Variants in BCL2L13 observed in about 807,000 individuals in gnomAD.
BCL2L13 encodes BCL2 like 13.
Under a neutral mutation model 25.8 loss-of-function variants are expected in BCL2L13, and 13 were observed. The observed-to-expected ratio is 0.50, with a 90% CI of 0.33 to 0.80. BCL2L13 has a LOEUF of 0.80. Ranked by LOEUF, BCL2L13 falls within the 30% of genes least tolerant of loss-of-function variation. BCL2L13 has a pLI of 0.02. For missense variants in BCL2L13, 504 were observed against 574.9 expected (o/e 0.88, Z 1.26); for synonymous variants, 244 against 230.3 (o/e 1.06, Z -0.54).
intron 1 of BCL2L13, among the ~76,000 whole-genome samples, chr22:17,631,670 G>GTATATATATA (rs1181793721): frequency 4.3e-3 from 114 of 26,734 alleles, no homozygotes; most frequent in South Asian, 0.01. Flanking sequence ...GTGTGTGTGT[G>GTATATATATA]TATATATATA....
chr22:17,658,763 A>G (rs570807624), intron 2 of BCL2L13, among the ~76,000 whole-genome samples: 4 of 151,780 alleles, frequency 2.6e-5, no homozygotes, highest in African/African-American at 7.2e-5. Context: ...TGCTTGTATA[A>G]AAAACATTAA....
rs536045895 is a variant in BCL2L13 at position 17,728,355 on chromosome 22, C to G, written c.*821C>G. ...ACAGAGAAAATCACATGAAGGAGACCTGGGGTCCCCACTTGTGAGTGCAAC... is the reference window on the plus strand; with the variant it reads ...ACAGAGAAAATCACATGAAGGAGACGTGGGGTCCCCACTTGTGAGTGCAAC... On this transcript the variant is annotated 3_prime_UTR_variant, in exon 7 of 7. Transcript: ENST00000317582. 1 of 152,210 alleles carries G rather than the reference C, an allele frequency of 6.6e-6. No homozygotes were observed. The highest frequency in any genetic ancestry group is 1.5e-5 in the Non-Finnish European group (1 of 68,038). The allele number at this position is 152,210 out of a possible 1,614,324, so 9.4% of individuals were successfully genotyped here.
intron 2 of BCL2L13, among the ~76,000 whole-genome samples, chr22:17,677,839 G>A (rs1332815223): frequency 6.6e-6 from 1 of 151,022 alleles, no homozygotes; most frequent in Non-Finnish European, 1.5e-5. Flanking sequence ...GCCATTGCAT[G>A]ATCTGGCGAC....
In BCL2L13 at chr22:17,643,749, G is replaced by T. The variant is rs111385180; in HGVS notation, c.-51+4863G>T. Among the ~76,000 whole-genome samples the T allele has an allele frequency of 5.0e-3, 753 of 150,438 alleles. 6 individuals are homozygous for T. Among genetic ancestry groups the T allele is most frequent in the African/African-American group, 0.015 (611 of 40,908 alleles). On this transcript the variant is annotated intron_variant, in intron 1 of 6. Coordinates refer to ENST00000317582, the MANE Select transcript of BCL2L13 (RefSeq NM_015367.4). ...TTCATGCCAGGAGGTGTGTAGCTGG[G>T]ACTACAGGCACTCGCCACCATGCCC...
At chr22:17,666,888 A>G (rs1418370912) in intron 2 of BCL2L13, among the ~76,000 whole-genome samples, 4 of 151,826 alleles carry the variant, frequency 2.6e-5, no homozygotes, top group African/African-American at 9.7e-5. Flanking sequence ...GGGTTTCACC[A>G]GTTGGCCAGG....
At position 17,638,876 on chromosome 22, in the gene BCL2L13, G is replaced by A. The variant is rs1247858177; in HGVS notation, c.-61G>A. ...CTCTTTCATCTCTTCTGGGGCAGGG[G>A]CCAGGGCCAGGTGAGGGGAGTGGGG... On this transcript the variant is annotated 5_prime_UTR_variant, in exon 1 of 7. Coordinates refer to ENST00000317582, the MANE Select transcript of BCL2L13 (RefSeq NM_015367.4). 56 of 1,232,682 alleles carry A rather than the reference G, an allele frequency of 4.5e-5. No individual in the cohort carries two copies. The East Asian group carries it at 1.8e-3, about 39-fold the overall frequency. 76.4% of individuals were successfully genotyped at this position (1,232,682 alleles called of 1,614,324 possible).
rs2061362268 is a variant in BCL2L13 at position 17,729,123 on chromosome 22, C to A, written c.*1589C>A. 6.6e-6 allele frequency: 1 copy of A among 152,054 alleles called. No homozygotes were observed. The highest frequency in any genetic ancestry group is 1.5e-5 in the Non-Finnish European group (1 of 67,996). The allele number at this position is 152,054 out of a possible 1,614,324, so 9.4% of individuals were successfully genotyped here. A position where few individuals can be genotyped will look rare whatever the true frequency, so the allele number is the denominator to read the frequency against. On this transcript the variant is annotated 3_prime_UTR_variant, in exon 7 of 7. Coordinates refer to ENST00000317582, the MANE Select transcript of BCL2L13 (RefSeq NM_015367.4). ...GAAATTTATAATAAAAATACTTTAC[C>A]TACCCTGATCACCAAAACCTGATGT...
rs537315017 is a variant in BCL2L13 at position 17,669,030 on chromosome 22, CTTTTTTTTT to C, written c.121+13210_121+13218del. ...AAGTTTATTTGGCTCCTGTTTCTTT[CTTTTTTTTT>C]TTTTTTTTTTTGAGACGGAGTCTCG... On this transcript the variant is annotated intron_variant, in intron 2 of 6. Coordinates refer to ENST00000317582, the MANE Select transcript of BCL2L13 (RefSeq NM_015367.4). Among the ~76,000 whole-genome samples the C allele has an allele frequency of 6.3e-5, 7 of 111,838 alleles. No homozygotes were observed. In the East Asian group the frequency reaches 8.0e-4, roughly 13 times the overall value. 73.4% of individuals were successfully genotyped at this position (111,838 alleles called of 152,430 possible).
chr22:17,640,835 C>T (rs991454752), intron 1 of BCL2L13, among the ~76,000 whole-genome samples: 1 of 151,650 alleles, frequency 6.6e-6, no homozygotes, highest in African/African-American at 2.4e-5. Flanking sequence ...GTCTGGATGA[C>T]AGAGACCCTG....
At chr22:17,698,411 G>A (rs940755039) in intron 5 of BCL2L13, among the ~76,000 whole-genome samples, 2 of 151,768 alleles carry the variant, frequency 1.3e-5, no homozygotes, top group Non-Finnish European at 2.9e-5. Context: ...CACCCTACCT[G>A]GCCTGAAATA....
intron 5 of BCL2L13, among the ~76,000 whole-genome samples, chr22:17,699,701 A>G (rs1157455212): frequency 6.6e-6 from 1 of 152,098 alleles, no homozygotes; most frequent in Non-Finnish European, 1.5e-5. Context: ...GGGTTCTTCT[A>G]GGAGTGGATG....
At chr22:17,711,486 G>A (rs755492234) in intron 6 of BCL2L13, among the ~76,000 whole-genome samples, 2 of 151,720 alleles carry the variant, frequency 1.3e-5, no homozygotes, top group South Asian at 2.1e-4. Flanking sequence ...TTTTGTAGAG[G>A]TGCAATTTTG....
intron 6 of BCL2L13, among the ~76,000 whole-genome samples, chr22:17,711,362 A>G (rs1366015156): frequency 7.1e-6 from 1 of 141,228 alleles, no homozygotes; most frequent in Non-Finnish European, 1.5e-5. Context: ...CAGTGGCACA[A>G]TCTCGGCTCA....
chr22:17,656,766 A>T (rs1395920485), intron 2 of BCL2L13, among the ~76,000 whole-genome samples: 1 of 152,078 alleles, frequency 6.6e-6, no homozygotes. Flanking sequence ...ACAATTGTTG[A>T]GCAGTCTGTT....
chr22:17,684,961 T>G (rs1050575496), intron 3 of BCL2L13, among the ~76,000 whole-genome samples: 3 of 152,104 alleles, frequency 2.0e-5, no homozygotes, highest in Non-Finnish European at 4.4e-5. Flanking sequence ...CTCGTTGATC[T>G]CCTGACCTTG....
Position 17,728,490 on chromosome 22 carries a change from A to G in BCL2L13, c.*956A>G, listed in dbSNP as rs909116154. ...CCCTTTTCGCTAGTGGTCACCCACC[A>G]CCATGGTTACTTGCCAGCAACATCT... is the stretch of plus-strand genomic sequence containing the variant. On this transcript the variant is annotated 3_prime_UTR_variant, in exon 7 of 7. Coordinates refer to ENST00000317582, the MANE Select transcript of BCL2L13 (RefSeq NM_015367.4). The G allele has an allele frequency of 2.0e-5, 3 of 152,090 alleles. No individual in the cohort carries two copies. Among genetic ancestry groups the G allele is most frequent in the Admixed American group, 6.5e-5 (1 of 15,268 alleles). 9.4% of individuals were successfully genotyped at this position (152,090 alleles called of 1,614,324 possible).
At chr22:17,665,695 A>G (rs930892616) in intron 2 of BCL2L13, among the ~76,000 whole-genome samples, 10 of 152,146 alleles carry the variant, frequency 6.6e-5, no homozygotes, top group African/African-American at 2.2e-4. Flanking sequence ...TAATCTTCCT[A>G]TCACCAGTGT....
chr22:17,635,916 G>A (rs144827937), upstream of BCL2L13, among the ~76,000 whole-genome samples: 7,119 of 149,746 alleles, frequency 0.048, 210 homozygotes, highest in African/African-American at 0.086. Flanking sequence ...TCACTGTGTT[G>A]GCCAGGATGG....
intron 1 of BCL2L13, among the ~76,000 whole-genome samples, chr22:17,630,372 C>T (rs1023761481): frequency 2.2e-4 from 34 of 151,868 alleles, no homozygotes; most frequent in African/African-American, 5.8e-4. Flanking sequence ...CTCTGCCTCC[C>T]GGGATCAAGT....
Sources: allele counts gnomAD v4.1 joint callset (sites outside exome capture counted in the v4.1 genomes callset), GRCh38; gene constraint gnomAD v4.1.1; transcripts MANE v1.5; gene names NCBI Gene and HGNC (gene_info 2026-07-23, HGNC 2026-07-21).